The following ABCC1 variants were observed in gnomAD, a reference collection of about 807,000 sequenced individuals.
ABCC1 encodes the protein ATP binding cassette subfamily C member 1 (ABCC1 blood group), also known as multidrug resistance-associated protein 1.
A neutral mutation model predicts 172.9 loss-of-function variants in ABCC1; 83 were observed. The observed-to-expected ratio is 0.48, with a 90% CI of 0.40 to 0.58. ABCC1 has a LOEUF of 0.58. ABCC1 is among the 20% of genes least tolerant of loss of function. The pLI, the probability that ABCC1 is intolerant of heterozygous loss-of-function variation, is 0.00. For missense variants in ABCC1, 1,817 were observed against 2,002.7 expected (o/e 0.91, Z 1.77); for synonymous variants, 937 against 825.2 (o/e 1.14, Z -2.32).
chr16:16,024,658 G>C lies in ABCC1; in HGVS notation c.615+8037G>C, dbSNP rs115369840. On this transcript the variant is annotated intron_variant, in intron 5 of 30. Coordinates refer to ENST00000399410, the MANE Select transcript of ABCC1 (RefSeq NM_004996.4). ...TGGGTGAACCACCACATCCAGCCAG[G>C]ACTTGGAATTTTAACCCTACTGTGG... Among the ~76,000 whole-genome samples the C allele has an allele frequency of 4.8e-3, 738 of 152,296 alleles. 8 individuals carry two copies. Among genetic ancestry groups the C allele is most frequent in the African/African-American group, 0.017 (712 of 41,560 alleles).
At chr16:15,957,450 A>G (rs981355850) in intron 1 of ABCC1, among the ~76,000 whole-genome samples, 2 of 151,858 alleles carry the variant, frequency 1.3e-5, no homozygotes, top group Non-Finnish European at 2.9e-5. Context: ...TTTTCCCAGG[A>G]CTCAGTGTCT....
chr16:16,104,980 T>G (rs1361199935), intron 20 of ABCC1, among the ~76,000 whole-genome samples: 1 of 151,400 alleles, frequency 6.6e-6, no homozygotes, highest in Non-Finnish European at 1.5e-5. Flanking sequence ...AAGCGCCCTG[T>G]GCAGCTCCGG....
chr16:16,036,992 T>C (rs1344516390), intron 7 of ABCC1, among the ~76,000 whole-genome samples: 3 of 151,930 alleles, frequency 2.0e-5, no homozygotes, highest in East Asian at 3.9e-4. Flanking sequence ...TAATCATAGC[T>C]ACTCAGGAGG....
At chr16:16,017,364 G>A (rs2048038733) in intron 5 of ABCC1, among the ~76,000 whole-genome samples, 2 of 151,922 alleles carry the variant, frequency 1.3e-5, no homozygotes, top group African/African-American at 4.8e-5. Flanking sequence ...CTGAGTAGCT[G>A]GAATTACAGG....
intron 22 of ABCC1, among the ~76,000 whole-genome samples, chr16:16,112,198 A>T (rs1018920931): frequency 6.6e-6 from 1 of 152,078 alleles, no homozygotes; most frequent in Non-Finnish European, 1.5e-5. Context: ...GAAAAAATAG[A>T]TAAATAAAAT....
intron 22 of ABCC1, among the ~76,000 whole-genome samples, chr16:16,113,526 A>G (rs1197488001): frequency 6.6e-6 from 1 of 152,020 alleles, no homozygotes. Context: ...GTGGTGGCGC[A>G]TGTCTGTAAT....
Position 16,048,314 on chromosome 16 carries a change from A to T in ABCC1, c.1380+11A>T, listed in dbSNP as rs756866913. The T allele has an allele frequency of 3.1e-6, 5 of 1,613,690 alleles. No individual in the cohort carries two copies. The highest frequency in any genetic ancestry group is 4.2e-6 in the Non-Finnish European group (5 of 1,179,686). ...TACCTCCTGTGGCTGGTGTGTGTTT[A>T]ACGCCGTTTCCCTTTGCATGCAGGG... On this transcript the variant is annotated intron_variant, in intron 10 of 30. Transcript: ENST00000399410.
intron 5 of ABCC1, among the ~76,000 whole-genome samples, chr16:16,030,549 T>G (rs1229975297): frequency 1.3e-5 from 2 of 151,906 alleles, no homozygotes; most frequent in Non-Finnish European, 2.9e-5. Context: ...AACAAAAACC[T>G]TGCTTGGTAT....
intron 7 of ABCC1, among the ~76,000 whole-genome samples, chr16:16,037,569 T>C (rs1422378910): frequency 6.6e-6 from 1 of 152,164 alleles, no homozygotes; most frequent in Non-Finnish European, 1.5e-5. Context: ...GTGGGTGACA[T>C]GGGGGCAGTG....
intron 7 of ABCC1, among the ~76,000 whole-genome samples, chr16:16,037,087 G>A (rs541678110): frequency 2.6e-5 from 4 of 151,672 alleles, no homozygotes; most frequent in African/African-American, 9.7e-5. Flanking sequence ...GGGAGACAGA[G>A]TGAGACTCCG....
chr16:16,137,514 C>T (rs1037417150), intron 29 of ABCC1, among the ~76,000 whole-genome samples: 2 of 143,544 alleles, frequency 1.4e-5, no homozygotes, highest in Non-Finnish European at 3.0e-5. Context: ...CATGGCCCCA[C>T]AGTTGGATAA....
chr16:16,092,187 G>A (rs1458801953), intron 19 of ABCC1, among the ~76,000 whole-genome samples: 12 of 152,174 alleles, frequency 7.9e-5, no homozygotes, highest in African/African-American at 1.7e-4. Context: ...GCAGTGAACC[G>A]AGATCGTGCC....
chr16:15,970,799 T>C (rs147931519), intron 1 of ABCC1, among the ~76,000 whole-genome samples: 1 of 152,216 alleles, frequency 6.6e-6, no homozygotes, highest in Non-Finnish European at 1.5e-5. Flanking sequence ...CTCCCTGTGT[T>C]GTCCAGGTTG....
At chr16:16,033,045 C>G in intron 5 of ABCC1, 64 bp from the exon 6 acceptor site, 1 of 1,528,032 alleles carries the variant, frequency 6.5e-7, no homozygotes, top group Non-Finnish European at 9.1e-7. Flanking sequence ...AAGCTCTGAC[C>G]TGGATGAAAA....
At chr16:16,076,642 T>C (rs1277011718) in intron 15 of ABCC1, among the ~76,000 whole-genome samples, 1 of 152,220 alleles carries the variant, frequency 6.6e-6, no homozygotes, top group Non-Finnish European at 1.5e-5. Flanking sequence ...ACAGCAGCCT[T>C]GGACAGCTAG....
rs377416816 is a variant in ABCC1, at chr16:16,007,811, C to T, written c.49-5C>T. The T allele has an allele frequency of 3.4e-5, 54 of 1,608,262 alleles. No homozygotes were observed. Among genetic ancestry groups the T allele is most frequent in the East Asian group, 4.5e-5 (2 of 44,672 alleles). The stretch of plus-strand genomic sequence containing the variant: ...CTGACCCCTCGCCTGTGTTTGTGTT[C>T]GCAGGACTGGAATGTCACGTGGAAT... On this transcript the variant is annotated splice_polypyrimidine_tract_variant and splice_region_variant and intron_variant, in intron 1 of 30. Coordinates refer to ENST00000399410, the MANE Select transcript of ABCC1 (RefSeq NM_004996.4).
At chr16:16,080,846 A>T (rs1462666271) in intron 16 of ABCC1, among the ~76,000 whole-genome samples, 1 of 151,370 alleles carries the variant, frequency 6.6e-6, no homozygotes, top group Non-Finnish European at 1.5e-5. Context: ...GCCTTTGGGA[A>T]TGTCAAGTTT....
intron 19 of ABCC1, among the ~76,000 whole-genome samples, chr16:16,093,618 C>G (rs2051342235): frequency 6.6e-6 from 1 of 152,176 alleles, no homozygotes; most frequent in Admixed American, 6.5e-5. Context: ...GCACCCCCCT[C>G]TCTCACCACC....
At chr16:16,079,313 A>T in intron 15 of ABCC1, 39 bp from the exon 16 acceptor site, 2 of 1,608,790 alleles carry the variant, frequency 1.2e-6, no homozygotes, top group South Asian at 2.2e-5. Context: ...GGCAGGCCTC[A>T]TTCAGCGTGG....
Sources: allele counts gnomAD v4.1 joint callset (sites outside exome capture counted in the v4.1 genomes callset), GRCh38; gene constraint gnomAD v4.1.1; transcripts MANE v1.5; gene names NCBI Gene and HGNC (gene_info 2026-07-23, HGNC 2026-07-21).